Variants in KCNB2 observed in about 807,000 individuals in gnomAD.
KCNB2 encodes delayed rectifier potassium channel protein.
A neutral mutation model predicts 61.5 loss-of-function variants in KCNB2; 15 were observed. The observed-to-expected ratio is 0.24, with a 90% CI of 0.16 to 0.38. KCNB2 has a LOEUF of 0.38. Ranked by LOEUF, KCNB2 falls within the 10% of genes least tolerant of loss-of-function variation. KCNB2 has a pLI of 1.00. For synonymous variants in KCNB2, 457 were observed against 446.0 expected (o/e 1.02, Z -0.31); for missense variants, 828 against 1,125.2 (o/e 0.74, Z 3.78).
chr8:72,622,192 C>T (rs529555321), intron 2 of KCNB2, among the ~76,000 whole-genome samples: 1 of 152,148 alleles, frequency 6.6e-6, no homozygotes, highest in South Asian at 2.1e-4. Context: ...TTTTCTGAGG[C>T]TTTTTTTGTT....
intron 2 of KCNB2, among the ~76,000 whole-genome samples, chr8:72,638,705 G>GA (rs1206678476): frequency 6.6e-6 from 1 of 152,066 alleles, no homozygotes; most frequent in Non-Finnish European, 1.5e-5. Flanking sequence ...TTTGTAGCTG[G>GA]AAAAAACTCA....
chr8:72,847,694 A>T (rs191365330), intron 2 of KCNB2, among the ~76,000 whole-genome samples: 3 of 152,166 alleles, frequency 2.0e-5, no homozygotes, highest in African/African-American at 7.2e-5. Context: ...GAATTTCTCT[A>T]TGCTCAAACT....
In KCNB2 at chr8:72,737,891, C is replaced by A. The variant is rs117409297; in HGVS notation, c.579+169578C>A. On this transcript the variant is annotated intron_variant, in intron 2 of 2. Coordinates refer to ENST00000523207, the MANE Select transcript of KCNB2 (RefSeq NM_004770.3). ...TTTCTACTATAATTTAGAAACACCT[C>A]TATCAGGTACCACTAAAAAAATATC... Among the ~76,000 whole-genome samples, 767 of 152,204 alleles carry A rather than the reference C, an allele frequency of 5.0e-3. 8 individuals carry two copies. The highest frequency in any genetic ancestry group is 6.9e-3 in the Non-Finnish European group (470 of 68,002).
chr8:72,733,313 C>T (rs1165344042), intron 2 of KCNB2, among the ~76,000 whole-genome samples: 2 of 152,070 alleles, frequency 1.3e-5, no homozygotes, highest in South Asian at 2.1e-4. Context: ...AGAATTTTGA[C>T]TTTGGCTTTG....
chr8:72,814,416 G>GT (rs1020396311), intron 2 of KCNB2, among the ~76,000 whole-genome samples: 10 of 152,282 alleles, frequency 6.6e-5, no homozygotes, highest in African/African-American at 2.4e-4. Context: ...GGTACGACCA[G>GT]TTTTCCAAAG....
chr8:72,602,432 G>A lies in KCNB2; in HGVS notation c.579+34119G>A, dbSNP rs576598551. Among the ~76,000 whole-genome samples the A allele has an allele frequency of 1.4e-3, 216 of 152,154 alleles. 1 individual carries two copies. The highest frequency in any genetic ancestry group is 4.9e-3 in the African/African-American group (203 of 41,514). ...TAGTCAAAGGAGGACTGTGCATTTT[G>A]TATTATTTTAGTTTCTATCATTCTT... is the stretch of plus-strand genomic sequence containing the variant. On this transcript the variant is annotated intron_variant, in intron 2 of 2. Coordinates refer to ENST00000523207, the MANE Select transcript of KCNB2 (RefSeq NM_004770.3).
At chr8:72,667,364 C>T (rs935994211) in intron 2 of KCNB2, among the ~76,000 whole-genome samples, 3 of 152,190 alleles carry the variant, frequency 2.0e-5, no homozygotes, top group Admixed American at 1.3e-4. Context: ...CATCTGTCCA[C>T]CTGCTTTCAC....
intron 2 of KCNB2, among the ~76,000 whole-genome samples, chr8:72,684,458 A>G (rs934045178): frequency 1.3e-5 from 2 of 152,140 alleles, no homozygotes; most frequent in Non-Finnish European, 2.9e-5. Context: ...TAAGGGGTGT[A>G]GAGTCAGAGT....
intron 2 of KCNB2, among the ~76,000 whole-genome samples, chr8:72,632,773 G>C (rs1009903971): frequency 6.6e-6 from 1 of 152,256 alleles, no homozygotes; most frequent in Admixed American, 6.5e-5. Flanking sequence ...TTAACTGCTG[G>C]CATCAAAGGT....
intron 2 of KCNB2, among the ~76,000 whole-genome samples, chr8:72,626,754 C>T (rs1456963063): frequency 6.6e-6 from 1 of 152,212 alleles, no homozygotes; most frequent in Non-Finnish European, 1.5e-5. Flanking sequence ...GTGCCCTTGA[C>T]CACTATGCAT....
chr8:72,615,251 C>A (rs574109721), intron 2 of KCNB2, among the ~76,000 whole-genome samples: 1 of 152,302 alleles, frequency 6.6e-6, no homozygotes, highest in East Asian at 1.9e-4. Flanking sequence ...GACCTGTCTG[C>A]CTCTCACAGG....
At chr8:72,844,388 A>G (rs1184895038) in intron 2 of KCNB2, among the ~76,000 whole-genome samples, 1 of 151,766 alleles carries the variant, frequency 6.6e-6, no homozygotes, top group African/African-American at 2.4e-5. Context: ...CTTCATTTCA[A>G]CCTTGGTGAA....
chr8:72,889,419 A>G (rs936752953), intron 2 of KCNB2, among the ~76,000 whole-genome samples: 2 of 152,168 alleles, frequency 1.3e-5, no homozygotes, highest in Non-Finnish European at 2.9e-5. Flanking sequence ...CACATGCGGT[A>G]GCTCATACCT....
intron 2 of KCNB2, among the ~76,000 whole-genome samples, chr8:72,785,110 A>G (rs1808826133): frequency 6.6e-6 from 1 of 152,188 alleles, no homozygotes; most frequent in Non-Finnish European, 1.5e-5. Context: ...TGCTGCTATA[A>G]TTTTAAAAAT....
At chr8:72,667,261 A>G (rs532642278) in intron 2 of KCNB2, among the ~76,000 whole-genome samples, 1 of 152,170 alleles carries the variant, frequency 6.6e-6, no homozygotes, top group Admixed American at 6.5e-5. Context: ...TGAATGATGG[A>G]GGTCCTCAGG....
At chr8:72,802,193 C>T (rs960841996) in intron 2 of KCNB2, among the ~76,000 whole-genome samples, 2 of 152,166 alleles carry the variant, frequency 1.3e-5, no homozygotes, top group Non-Finnish European at 2.9e-5. Context: ...GAATATTTTT[C>T]AGCAACTGAT....
At chr8:72,543,854 C>T (rs977161437) in intron 1 of KCNB2, among the ~76,000 whole-genome samples, 7 of 152,120 alleles carry the variant, frequency 4.6e-5, no homozygotes, top group Non-Finnish European at 8.8e-5. Context: ...GCTATATTCT[C>T]CCATTGAAGA....
At chr8:72,834,839 T>C (rs986569779) in intron 2 of KCNB2, among the ~76,000 whole-genome samples, 1 of 152,224 alleles carries the variant, frequency 6.6e-6, no homozygotes, top group African/African-American at 2.4e-5. Flanking sequence ...GAGTATAATT[T>C]CGGAAGTCAT....
intron 2 of KCNB2, among the ~76,000 whole-genome samples, chr8:72,741,697 A>G (rs1311400133): frequency 6.6e-6 from 1 of 152,128 alleles, no homozygotes; most frequent in African/African-American, 2.4e-5. Flanking sequence ...ACTTACTTCA[A>G]TTAGAATAAT....
Sources: gnomAD v4.1 joint callset for allele counts (sites outside exome capture counted in the v4.1 genomes callset) on GRCh38, gnomAD v4.1.1 for gene constraint, MANE v1.5 for transcripts, NCBI Gene and HGNC (gene_info 2026-07-23, HGNC 2026-07-21) for gene names.